The following NIPBL variants were observed in gnomAD, a reference collection of about 807,000 sequenced individuals.
NIPBL encodes nipped-B-like protein.
Under a neutral mutation model 321.8 loss-of-function variants are expected in NIPBL, and 19 were observed. That is an observed-to-expected ratio of 0.06 (90% confidence interval 0.04 to 0.09). The LOEUF is 0.09. Among genes scored for constraint, NIPBL ranks in the 10% least tolerant of loss-of-function variants. NIPBL has a pLI of 1.00. For synonymous variants in NIPBL, 1,106 were observed against 1,114.1 expected, an observed-to-expected ratio of 0.99 and a Z score of 0.14; for missense variants, 2,210 against 3,327.0, an observed-to-expected ratio of 0.66 and a Z score of 8.26.
chr5:36,967,621 T>G (rs1202998651), intron 6 of NIPBL, among the ~76,000 whole-genome samples: 2 of 152,168 alleles, frequency 1.3e-5, no homozygotes, highest in Non-Finnish European at 2.9e-5. Flanking sequence ...ATATGAACAT[T>G]CATGTCCTGT....
intron 1 of NIPBL, among the ~76,000 whole-genome samples, chr5:36,931,392 A>T (rs1749763904): frequency 1.3e-5 from 2 of 150,786 alleles, no homozygotes; most frequent in Admixed American, 1.3e-4. Context: ...ATCTCGGCTC[A>T]CTGCAGCCTC....
At chr5:37,008,755 G>A in intron 20 of NIPBL, 32 bp downstream of exon 20, 2 of 1,024,404 alleles carry the variant, frequency 2.0e-6, no homozygotes, top group Non-Finnish European at 3.1e-6. Context: ...CAAGTTTAAT[G>A]AAGAACCACC....
intron 32 of NIPBL, among the ~76,000 whole-genome samples, chr5:37,029,203 T>TA (rs1375554600): frequency 6.6e-6 from 1 of 152,198 alleles, no homozygotes; most frequent in Non-Finnish European, 1.5e-5. Flanking sequence ...ACAATGAACA[T>TA]ACAGGATTTC....
Position 37,049,307 on chromosome 5 carries a change from C to T in NIPBL, c.6954+6C>T. On this transcript the variant is annotated splice_donor_region_variant and intron_variant, in intron 40 of 46. Coordinates refer to ENST00000282516, the MANE Select transcript of NIPBL (RefSeq NM_133433.4). ...GTCTTATTCATCCAGTTCAGGTAAGCATGTTTTATGGCAGCAGCACTTACT... is the reference window on the plus strand; with the variant it reads ...GTCTTATTCATCCAGTTCAGGTAAGTATGTTTTATGGCAGCAGCACTTACT... 2 of 1,613,738 alleles carry T rather than the reference C, an allele frequency of 1.2e-6. No homozygotes were observed. The highest frequency in any genetic ancestry group is 1.7e-6 in the Non-Finnish European group (2 of 1,179,766).
chr5:36,991,070 T>C (rs1745454633), intron 10 of NIPBL, among the ~76,000 whole-genome samples: 1 of 152,100 alleles, frequency 6.6e-6, no homozygotes, highest in Admixed American at 6.5e-5. Context: ...CTACTAGTAT[T>C]ACACCACCAA....
chr5:37,015,845 A>G (rs888881853), intron 22 of NIPBL, among the ~76,000 whole-genome samples, 193 bp from the exon 23 acceptor site: 2 of 152,190 alleles, frequency 1.3e-5, no homozygotes, highest in African/African-American at 2.4e-5. Context: ...TGAATTCCCT[A>G]TAATTAAGGA....
intron 4 of NIPBL, among the ~76,000 whole-genome samples, chr5:36,959,546 A>T (rs887680529): frequency 6.6e-6 from 1 of 152,324 alleles, no homozygotes; most frequent in African/African-American, 2.4e-5. Context: ...TAGAGTTATG[A>T]CGGCTTTCTG....
Position 36,900,671 on chromosome 5 carries a change from T to TTTTTGTTTTG in NIPBL, c.-80+23508_-80+23517dup, listed in dbSNP as rs536806432. On this transcript the variant is annotated intron_variant, in intron 1 of 46. Transcript: ENST00000282516. ...CAGCATATGGCATATGCTCGGGTTT[T>TTTTTGTTTTG]TTTTGTTTTGTTTTGTTTTGTTTTT... Among the ~76,000 whole-genome samples, 397 of 152,198 alleles carry TTTTTGTTTTG rather than the reference T, an allele frequency of 2.6e-3. 2 individuals are homozygous for TTTTTGTTTTG. Among genetic ancestry groups the TTTTTGTTTTG allele is most frequent in the African/African-American group, 9.2e-3 (381 of 41,532 alleles).
intron 34 of NIPBL, among the ~76,000 whole-genome samples, chr5:37,041,227 G>A (rs1486655403): frequency 8.6e-6 from 1 of 115,664 alleles, no homozygotes; most frequent in Non-Finnish European, 1.7e-5. Flanking sequence ...TTCAGAAAAT[G>A]CTACTTTTTT....
rs185402661 is a variant in NIPBL, at chr5:37,010,026, T to C, written c.4422-61T>C. 46 of 1,290,374 alleles carry C rather than the reference T, an allele frequency of 3.6e-5. 2 individuals carry two copies. In the South Asian group the frequency reaches 4.3e-4, roughly 12 times the overall value. The allele number at this position is 1,290,374 out of a possible 1,614,324, so 79.9% of individuals were successfully genotyped here. ...ACAGTATCGTGAAACTTTCAGACAA[T>C]AGATGACATTTAAATGAGATTATCT... On this transcript the variant is annotated intron_variant, in intron 20 of 46. Transcript: ENST00000282516.
At chr5:36,877,540 C>T (rs1324918937) in intron 1 of NIPBL, among the ~76,000 whole-genome samples, 1 of 152,178 alleles carries the variant, frequency 6.6e-6, no homozygotes, top group Non-Finnish European at 1.5e-5. Flanking sequence ...GGAGTGGAGC[C>T]GTAGCTAGTG....
At chr5:36,909,594 C>G (rs1381239860) in intron 1 of NIPBL, among the ~76,000 whole-genome samples, 3 of 151,668 alleles carry the variant, frequency 2.0e-5, no homozygotes, top group African/African-American at 7.3e-5. Flanking sequence ...TTGGTAATCA[C>G]AAAAATAGTA....
At chr5:36,961,002 G>A (rs1052048194) in intron 4 of NIPBL, among the ~76,000 whole-genome samples, 3 of 151,880 alleles carry the variant, frequency 2.0e-5, no homozygotes, top group Admixed American at 6.6e-5. Flanking sequence ...TCAAACTTTC[G>A]GCCCATAAAT....
At chr5:36,995,502 T>C in intron 10 of NIPBL, 120 bp from the exon 11 acceptor site, 1 of 687,092 alleles carries the variant, frequency 1.5e-6, no homozygotes, top group South Asian at 1.8e-5. Context: ...TTGTGTTTTA[T>C]TAAAATAAAC....
chr5:36,892,703 C>T (rs1400616383), intron 1 of NIPBL, among the ~76,000 whole-genome samples: 2 of 152,072 alleles, frequency 1.3e-5, no homozygotes, highest in Non-Finnish European at 2.9e-5. Flanking sequence ...AAACCAAACA[C>T]CACATGTTCT....
At chr5:36,982,790 T>A (rs77048715) in intron 9 of NIPBL, among the ~76,000 whole-genome samples, 4,754 of 151,944 alleles carry the variant, frequency 0.031, 110 homozygotes, top group Non-Finnish European at 0.049. Flanking sequence ...TTAATGTTTT[T>A]CTGAAGACTG....
intron 1 of NIPBL, among the ~76,000 whole-genome samples, chr5:36,923,758 T>G (rs1417149566): frequency 3.3e-5 from 5 of 152,168 alleles, no homozygotes; most frequent in Non-Finnish European, 7.4e-5. Context: ...GGGATAATAA[T>G]AAGTGTTAAG....
chr5:36,897,762 G>A (rs572964716), intron 1 of NIPBL, among the ~76,000 whole-genome samples: 3 of 152,012 alleles, frequency 2.0e-5, no homozygotes, highest in Non-Finnish European at 2.9e-5. Context: ...ATAAATAAAT[G>A]CCTGCTAACA....
At chr5:36,902,458 T>A (rs933104482) in intron 1 of NIPBL, among the ~76,000 whole-genome samples, 2 of 152,194 alleles carry the variant, frequency 1.3e-5, no homozygotes, top group African/African-American at 4.8e-5. Flanking sequence ...AGAGGTCCAG[T>A]TTCAGTCTTG....
Sources: gnomAD v4.1 joint callset for allele counts (sites outside exome capture counted in the v4.1 genomes callset) on GRCh38, gnomAD v4.1.1 for gene constraint, MANE v1.5 for transcripts, NCBI Gene and HGNC (gene_info 2026-07-23, HGNC 2026-07-21) for gene names.